The following COL6A6 variants were observed in gnomAD, a reference collection of about 807,000 sequenced individuals.
COL6A6 encodes the protein collagen type VI alpha 6 chain, also known as collagen alpha-6(VI) chain.
A neutral mutation model predicts 208.6 loss-of-function variants in COL6A6; 183 were observed. The observed-to-expected ratio is 0.88, with a 90% CI of 0.78 to 0.99. COL6A6 has a LOEUF of 0.99. COL6A6 is among the 50% of genes least tolerant of loss of function. COL6A6 has a pLI of 0.00. For missense variants in COL6A6, 2,816 were observed against 2,815.2 expected (o/e 1.00, Z -0.01); for synonymous variants, 973 against 1,011.8 (o/e 0.96, Z 0.73).
At chr3:130,658,573 A>G (rs2065858092) in intron 33 of COL6A6, 103 bp from the exon 34 acceptor site, 1 of 734,092 alleles carries the variant, frequency 1.4e-6, no homozygotes, top group East Asian at 2.7e-5. Flanking sequence ...CCTTCTTAGA[A>G]GGAGCAGTGT....
chr3:130,651,086 A>C (rs1181796098), intron 33 of COL6A6, among the ~76,000 whole-genome samples: 1 of 152,226 alleles, frequency 6.6e-6, no homozygotes, highest in Non-Finnish European at 1.5e-5. Flanking sequence ...TGTGAAGATT[A>C]ATTTATGCAA....
At chr3:130,590,333 A>G (rs1313459813) in intron 12 of COL6A6, among the ~76,000 whole-genome samples, 4 of 45,600 alleles carry the variant, frequency 8.8e-5, no homozygotes, top group South Asian at 6.8e-4. Context: ...TTTTTTTACT[A>G]TAAGTTCTAG....
chr3:130,598,298 C>T (rs2063905652), intron 18 of COL6A6, 67 bp from the exon 19 acceptor site: 9 of 1,088,134 alleles, frequency 8.3e-6, no homozygotes, highest in Admixed American at 2.2e-5. Context: ...AAGTGTTATA[C>T]ATAAGTTATA....
chr3:130,603,454 G>A (rs2064086985), intron 20 of COL6A6, among the ~76,000 whole-genome samples: 1 of 152,150 alleles, frequency 6.6e-6, no homozygotes, highest in Admixed American at 6.5e-5. Context: ...TATGCTAGCA[G>A]ACTATAATGA....
chr3:130,612,616 A>C (rs1377112043), intron 23 of COL6A6, among the ~76,000 whole-genome samples: 1 of 152,188 alleles, frequency 6.6e-6, no homozygotes, highest in Non-Finnish European at 1.5e-5. Context: ...GGAGGACTGC[A>C]GGGCTCCTCT....
intron 1 of COL6A6, among the ~76,000 whole-genome samples, chr3:130,527,581 G>A (rs1307407912): frequency 6.6e-6 from 1 of 152,204 alleles, no homozygotes; most frequent in Non-Finnish European, 1.5e-5. Flanking sequence ...TGCCTGAAAT[G>A]TAACTTTCCC....
chr3:130,550,325 G>A (rs1276726620), intron 1 of COL6A6, among the ~76,000 whole-genome samples: 1 of 152,146 alleles, frequency 6.6e-6, no homozygotes, highest in Non-Finnish European at 1.5e-5. Flanking sequence ...TTCTGGCCAG[G>A]ACTTCCAGTA....
intron 35 of COL6A6, among the ~76,000 whole-genome samples, chr3:130,663,590 G>C (rs1479281224): frequency 6.6e-6 from 1 of 152,128 alleles, no homozygotes; most frequent in East Asian, 1.9e-4. Context: ...CTGATAACTT[G>C]TAAAGAAACT....
chr3:130,569,169 C>G (rs2063101601), intron 6 of COL6A6, among the ~76,000 whole-genome samples: 1 of 152,198 alleles, frequency 6.6e-6, no homozygotes, highest in Admixed American at 6.5e-5. Flanking sequence ...CCTCTTTGAC[C>G]TACACATCTA....
At chr3:130,530,195 T>C (rs2062051125) in intron 1 of COL6A6, among the ~76,000 whole-genome samples, 1 of 152,172 alleles carries the variant, frequency 6.6e-6, no homozygotes, top group Admixed American at 6.5e-5. Context: ...AAAAACCGTT[T>C]GGCTCTGGAA....
At chr3:130,669,871 C>T (rs566575626) in intron 36 of COL6A6, among the ~76,000 whole-genome samples, 9 of 152,304 alleles carry the variant, frequency 5.9e-5, no homozygotes, top group Non-Finnish European at 1.2e-4. Flanking sequence ...GTAAATTATT[C>T]TGTACAAACA....
intron 1 of COL6A6, among the ~76,000 whole-genome samples, chr3:130,531,056 A>T (rs3925238): frequency 0.09 from 2,514 of 27,850 alleles, 28 homozygotes; most frequent in Admixed American, 0.17. Context: ...ACACACACAC[A>T]CACAGTCTCT....
intron 1 of COL6A6, among the ~76,000 whole-genome samples, chr3:130,549,189 A>C (rs532328682): frequency 1.3e-5 from 2 of 152,116 alleles, no homozygotes; most frequent in Admixed American, 1.3e-4. Flanking sequence ...TGTTTTTTTG[A>C]GACAAGGTCT....
At chr3:130,597,958 TA>T (rs2063896660) in intron 18 of COL6A6, among the ~76,000 whole-genome samples, 2 of 152,156 alleles carry the variant, frequency 1.3e-5, no homozygotes, top group African/African-American at 2.4e-5. Flanking sequence ...AAGGGTATGG[TA>T]GAATAAAATC....
In COL6A6 at chr3:130,566,778, T is replaced by C. The variant is rs779001805; in HGVS notation, c.1359T>C (p.His453=). Residue 453 remains histidine, a synonymous_variant, in exon 5 of 37, where the codon CAT becomes CAC. Coordinates refer to ENST00000358511, the MANE Select transcript of COL6A6 (RefSeq NM_001102608.3). ...GGAGCACCCAGGCCACAGATTTCCA[T>C]GAAATGAAGACGTTCCTGTCAGAGG... The part of the protein sequence containing the change: ...GSGSTQATDF[H]EMKTFLSEVV... 6.2e-6 allele frequency: 10 copies of C among 1,613,968 alleles called. No homozygotes were observed. Among genetic ancestry groups the C allele is most frequent in the Middle Eastern group, 1.6e-4 (1 of 6,062 alleles).
chr3:130,572,700 A>G (rs1458883357), intron 7 of COL6A6, among the ~76,000 whole-genome samples: 1 of 152,246 alleles, frequency 6.6e-6, no homozygotes, highest in Non-Finnish European at 1.5e-5. Flanking sequence ...GGGACAGAAA[A>G]ACAGTACTAG....
chr3:130,568,225 T>A lies in COL6A6; in HGVS notation c.2022T>A (p.Phe674Leu). 1.2e-6 allele frequency: 2 copies of A among 1,614,044 alleles called. No homozygotes were observed. Among genetic ancestry groups the A allele is most frequent in the Non-Finnish European group, 1.7e-6 (2 of 1,179,900 alleles). Residue 674 changes from phenylalanine to leucine, a missense_variant, in exon 6 of 37, where the codon TTT becomes TTA. Physicochemically the swap from Phe to Leu is conservative, Grantham distance 22 (BLOSUM62 0). Coordinates refer to ENST00000358511, the MANE Select transcript of COL6A6 (RefSeq NM_001102608.3). Reference sequence around the variant, plus strand: ...TCAGCGACATCAATAAGGAAGAGTTTCAGCTCAACAGATTCATGTCCCAAA... The same window carrying A: ...TCAGCGACATCAATAAGGAAGAGTTACAGCTCAACAGATTCATGTCCCAAA... ...VQFSDINKEE[F>L]QLNRFMSQSD...
rs1261446032 is a variant in COL6A6, at chr3:130,563,505, A to G, written c.502A>G (p.Lys168Glu). Residue 168 changes from lysine to glutamate, a missense_variant, in exon 3 of 37, where the codon AAA becomes GAA. Coordinates refer to ENST00000358511, the MANE Select transcript of COL6A6 (RefSeq NM_001102608.3). ...GVKIISVGVQ[K>E]ASEENLKAMA... ...GAAAATCATCTCTGTAGGGGTGCAG[A>G]AAGCTTCTGAGGAAAACCTGAAGGC... The G allele has an allele frequency of 1.2e-6, 2 of 1,613,916 alleles. No homozygotes were observed. Among genetic ancestry groups the G allele is most frequent in the Non-Finnish European group, 1.7e-6 (2 of 1,179,906 alleles).
Position 130,658,661 on chromosome 3 carries a change from T to C in COL6A6, c.5734-15T>C, listed in dbSNP as rs114496125. 1,093 of 1,595,046 alleles carry C rather than the reference T, an allele frequency of 6.9e-4. 11 individuals carry two copies. The African/African-American group carries it at 0.012, about 17-fold the overall frequency. ...CTACCCACTAAGTTCTTTCTGCTGC[T>C]TCTGCTTCTTTTAGATTGACGACAC... On this transcript the variant is annotated splice_polypyrimidine_tract_variant and intron_variant, in intron 33 of 36. Coordinates refer to ENST00000358511, the MANE Select transcript of COL6A6 (RefSeq NM_001102608.3).
Sources: gnomAD v4.1 joint callset for allele counts (sites outside exome capture counted in the v4.1 genomes callset) on GRCh38, gnomAD v4.1.1 for gene constraint, MANE v1.5 for transcripts, NCBI Gene and HGNC (gene_info 2026-07-23, HGNC 2026-07-21) for gene names.